Variants in CPSF7 observed in about 807,000 individuals in gnomAD.
CPSF7 encodes the protein cleavage and polyadenylation specificity factor subunit 7.
A neutral mutation model predicts 44.3 loss-of-function variants in CPSF7; 1 was observed. The observed-to-expected ratio is 0.02, with a 90% CI of 0.01 to 0.11. The LOEUF is 0.11. CPSF7 is among the 10% of genes least tolerant of loss of function. The pLI is 1.00. For missense variants in CPSF7, 443 were observed against 607.2 expected (o/e 0.73, Z 2.84); for synonymous variants, 202 against 222.0 (o/e 0.91, Z 0.80).
chr11:61,419,596 T>C (rs1331745436), intron 5 of CPSF7, among the ~76,000 whole-genome samples: 1 of 152,208 alleles, frequency 6.6e-6, no homozygotes, highest in Non-Finnish European at 1.5e-5. Context: ...TGCCAAGTTT[T>C]AGACAGAAAC....
intron 5 of CPSF7, 119 bp downstream of exon 5, chr11:61,419,830 T>G: frequency 8.2e-7 from 1 of 1,224,558 alleles, no homozygotes; most frequent in Non-Finnish European, 1.1e-6. Context: ...ACCATCACCC[T>G]CCCCCAAACT....
chr11:61,422,712 T>C (rs1162844775), intron 2 of CPSF7, among the ~76,000 whole-genome samples: 1 of 152,224 alleles, frequency 6.6e-6, no homozygotes, highest in Non-Finnish European at 1.5e-5. Context: ...AGTAAGCATT[T>C]ACAATATGAA....
At chr11:61,421,643 A>G (rs1190331878) in intron 2 of CPSF7, 35 bp from the exon 3 acceptor site, 1 of 1,452,820 alleles carries the variant, frequency 6.9e-7, no homozygotes. Context: ...GTAGGTCTGC[A>G]AACTTCATTT....
chr11:61,412,185 T>C (rs1859913831), intron 7 of CPSF7, among the ~76,000 whole-genome samples: 1 of 152,236 alleles, frequency 6.6e-6, no homozygotes, highest in South Asian at 2.1e-4. Flanking sequence ...TTGACATCTA[T>C]TAAAATAAAC....
intron 1 of CPSF7, 60 bp from the exon 2 acceptor site, chr11:61,429,350 G>A (rs376440788): frequency 5.0e-5 from 50 of 1,007,636 alleles, no homozygotes; most frequent in African/African-American, 4.3e-4. Context: ...CTGGGAAGAG[G>A]GTAATGATTG....
rs1020531318 is a variant in CPSF7 at position 61,416,653 on chromosome 11, C to T, written c.524-134G>A. On this transcript the variant is annotated intron_variant, in intron 5 of 9. Transcript: ENST00000439958. ...GAGGCTGAGAAGGTAAAATCATCTA[C>T]TGCCTTTTTTTTGGCTTCAGAGGTC... The T allele has an allele frequency of 1.0e-5, 9 of 903,892 alleles. No homozygotes were observed. The African/African-American group carries it at 1.5e-4, about 15-fold the overall frequency. The allele number at this position is 903,892 out of a possible 1,614,324, so 56.0% of individuals were successfully genotyped here.
chr11:61,416,639 G>T, intron 5 of CPSF7, 120 bp from the exon 6 acceptor site: 1 of 1,042,730 alleles, frequency 9.6e-7, no homozygotes, highest in Non-Finnish European at 1.4e-6. Flanking sequence ...AGGCTGAGAA[G>T]GTAAAATCAT....
At chr11:61,429,024 GGA>G (rs1861666045) in intron 2 of CPSF7, 156 bp downstream of exon 2, 1 of 537,226 alleles carries the variant, frequency 1.9e-6, no homozygotes, top group Non-Finnish European at 3.4e-6. Context: ...AAAGAGGAAT[GGA>G]GTGTAGTCTT....
chr11:61,427,892 G>C (rs1169971139), intron 2 of CPSF7, among the ~76,000 whole-genome samples: 1 of 152,112 alleles, frequency 6.6e-6, no homozygotes, highest in Non-Finnish European at 1.5e-5. Context: ...CTTATGCCAA[G>C]TGAAAAATAA....
chr11:61,411,841 G>A lies in CPSF7; in HGVS notation c.1154C>T (p.Ser385Phe), dbSNP rs752652218. 9 of 1,614,040 alleles carry A rather than the reference G, an allele frequency of 5.6e-6. No homozygotes were observed. In the Admixed American group the frequency reaches 1.3e-4, roughly 24 times the overall value. The change falls in exon 8 of 10, where the codon TCC becomes TTC. Residue 385 changes from serine to phenylalanine, a missense_variant. Transcript: ENST00000439958. ...GCCATGAAGACAGTCCTTAAGAGAG[G>A]AGATGAGGACACGGCAACGCTCATC... ...ANDERCRVLI[S>F]SLKDCLHGIE...
intron 2 of CPSF7, among the ~76,000 whole-genome samples, chr11:61,428,676 A>T (rs747413005): frequency 3.3e-5 from 5 of 152,218 alleles, no homozygotes; most frequent in Admixed American, 2.0e-4. Context: ...TCATGACTGG[A>T]GTCAACCTAC....
chr11:61,427,325 T>C (rs1181928572), intron 2 of CPSF7: 1 of 151,878 alleles, frequency 6.6e-6, no homozygotes, highest in South Asian at 2.1e-4. Context: ...TCTAGAACTT[T>C]TCTCTTTTAT....
At chr11:61,409,782 T>C (rs1859683109) in intron 9 of CPSF7, among the ~76,000 whole-genome samples, 1 of 151,844 alleles carries the variant, frequency 6.6e-6, no homozygotes, top group African/African-American at 2.4e-5. Flanking sequence ...AAGGCCAACC[T>C]GGCCAGTATG....
intron 7 of CPSF7, 117 bp from the exon 8 acceptor site, chr11:61,412,054 G>A (rs1016480143): frequency 2.5e-5 from 20 of 806,494 alleles, no homozygotes; most frequent in East Asian, 1.3e-4. Context: ...AAACAACCGC[G>A]GTAAAAGAGA....
chr11:61,414,823 C>A (rs1860166118), intron 7 of CPSF7, among the ~76,000 whole-genome samples: 1 of 152,156 alleles, frequency 6.6e-6, no homozygotes, highest in Non-Finnish European at 1.5e-5. Flanking sequence ...GAGAGCAGGG[C>A]AAAAGTTAGC....
chr11:61,405,888 T>C (rs899224781), intron 9 of CPSF7: 1 of 152,150 alleles, frequency 6.6e-6, no homozygotes, highest in Non-Finnish European at 1.5e-5. Context: ...TGTCCCATTT[T>C]CTCTAAGGGA....
chr11:61,413,386 C>G (rs1454493415), intron 7 of CPSF7, among the ~76,000 whole-genome samples: 1 of 151,978 alleles, frequency 6.6e-6, no homozygotes, highest in African/African-American at 2.4e-5. Flanking sequence ...AATCCCAGCA[C>G]TTTGGGAGGC....
At chr11:61,414,148 ATT>A (rs11420964) in intron 7 of CPSF7, among the ~76,000 whole-genome samples, 59 of 132,628 alleles carry the variant, frequency 4.4e-4, no homozygotes, top group African/African-American at 1.4e-3. Context: ...AAAAAGACTA[ATT>A]TTTTTTTTTT....
At chr11:61,429,044 T>C in intron 2 of CPSF7, 138 bp downstream of exon 2, 2 of 557,864 alleles carry the variant, frequency 3.6e-6, no homozygotes, top group South Asian at 5.1e-5. Flanking sequence ...CTTTAAAGTT[T>C]CTGCAGGAGA....
Sources: gnomAD v4.1 joint callset for allele counts (sites outside exome capture counted in the v4.1 genomes callset) on GRCh38, gnomAD v4.1.1 for gene constraint, MANE v1.5 for transcripts, NCBI Gene and HGNC (gene_info 2026-07-23, HGNC 2026-07-21) for gene names.